MYLK3: variants seen among roughly 807,000 people sequenced by gnomAD.
The protein encoded by MYLK3 is MLC kinase.
Under a neutral mutation model 76.3 loss-of-function variants are expected in MYLK3, and 55 were observed. The observed-to-expected ratio is 0.72, with a 90% CI of 0.58 to 0.90. MYLK3 has a LOEUF of 0.90. Ranked by LOEUF, MYLK3 falls within the 40% of genes least tolerant of loss-of-function variation. The pLI, the probability that MYLK3 is intolerant of heterozygous loss-of-function variation, is 0.00. For synonymous variants in MYLK3, 416 were observed against 425.4 expected, an observed-to-expected ratio of 0.98 and a Z score of 0.27; for missense variants, 973 against 1,053.6, an observed-to-expected ratio of 0.92 and a Z score of 1.06.
At chr16:46,727,788 A>T (rs1966845609) in intron 7 of MYLK3, among the ~76,000 whole-genome samples, 1 of 152,184 alleles carries the variant, frequency 6.6e-6, no homozygotes, top group African/African-American at 2.4e-5. Flanking sequence ...CGGCCTCCCG[A>T]AGTGCTGAGA....
chr16:46,753,682 G>C (rs72818807), intron 1 of MYLK3, among the ~76,000 whole-genome samples: 4 of 152,168 alleles, frequency 2.6e-5, no homozygotes, highest in African/African-American at 9.7e-5. Context: ...AGGCCAGGGT[G>C]GGGGGCTCGA....
At chr16:46,737,156 C>T (rs905954110) in intron 3 of MYLK3, among the ~76,000 whole-genome samples, 2 of 152,178 alleles carry the variant, frequency 1.3e-5, no homozygotes, top group African/African-American at 2.4e-5. Flanking sequence ...TTCCGGAATC[C>T]GGTAACCCGG....
chr16:46,755,969 G>A (rs1020424608), intron 1 of MYLK3, among the ~76,000 whole-genome samples: 7 of 141,580 alleles, frequency 4.9e-5, no homozygotes, highest in Non-Finnish European at 7.5e-5. Flanking sequence ...GTGCAGTGGC[G>A]CGATCTTGGC....
chr16:46,747,569 G>C, intron 1 of MYLK3, 148 bp downstream of exon 1: 5 of 803,664 alleles, frequency 6.2e-6, no homozygotes, highest in Non-Finnish European at 1.0e-5. Context: ...CCTATGACCT[G>C]TAAGTTTCCA....
chr16:46,757,662 G>A (rs1482406721), intron 1 of MYLK3: 6 of 940,470 alleles, frequency 6.4e-6, no homozygotes, highest in South Asian at 4.9e-5. Flanking sequence ...TGGCATTTCC[G>A]CTTATCTCTG....
intron 9 of MYLK3, among the ~76,000 whole-genome samples, chr16:46,716,195 T>G (rs528126622): frequency 6.6e-6 from 1 of 152,152 alleles, no homozygotes; most frequent in Non-Finnish European, 1.5e-5. Flanking sequence ...GTTTATTTTC[T>G]GGAACTTGCC....
At chr16:46,757,549 G>C in intron 1 of MYLK3, 1 of 985,452 alleles carries the variant, frequency 1.0e-6, no homozygotes, top group Non-Finnish European at 1.2e-6. Context: ...TGTTTACTCT[G>C]CCTAGAGATG....
intron 12 of MYLK3, among the ~76,000 whole-genome samples, 178 bp downstream of exon 12, chr16:46,709,360 TA>T (rs978159630): frequency 1.3e-5 from 2 of 150,998 alleles, no homozygotes; most frequent in African/African-American, 4.9e-5. Flanking sequence ...AATTTAAGGT[TA>T]CAGTGAACCA....
At chr16:46,749,141 C>T (rs1267984140), upstream of MYLK3, among the ~76,000 whole-genome samples, 3 of 152,218 alleles carry the variant, frequency 2.0e-5, no homozygotes, top group African/African-American at 4.8e-5. Context: ...TCAAATAAAA[C>T]GTTTTACAGA....
At chr16:46,724,585 T>C (rs1006331406) in intron 8 of MYLK3, among the ~76,000 whole-genome samples, 2 of 152,238 alleles carry the variant, frequency 1.3e-5, no homozygotes, top group African/African-American at 4.8e-5. Flanking sequence ...CATAGCACCA[T>C]TGTCACAAAT....
intron 1 of MYLK3, among the ~76,000 whole-genome samples, chr16:46,758,302 ACACTCT>A (rs1438159996): frequency 1.1e-3 from 57 of 53,920 alleles, no homozygotes; most frequent in Admixed American, 5.4e-3. Flanking sequence ...ACACACACAC[ACACTCT>A]CTCTCTCTCT....
chr16:46,755,906 C>CTTTTTTTTTTTTTTTTTTT (rs772833701), intron 1 of MYLK3, among the ~76,000 whole-genome samples: 21 of 109,712 alleles, frequency 1.9e-4, no homozygotes, highest in Admixed American at 3.3e-4. Flanking sequence ...TTTTTTCTTT[C>CTTTTTTTTTTTTTTTTTTT]TTTTTTTTTT....
At position 46,740,081 on chromosome 16, in the gene MYLK3, A is replaced by G; in HGVS notation, c.544T>C (p.Ser182Pro). The G allele has an allele frequency of 6.2e-7, 1 of 1,612,986 alleles. No homozygotes were observed. Among genetic ancestry groups the G allele is most frequent in the South Asian group, 1.1e-5 (1 of 90,922 alleles). Residue 182 changes from serine to proline, a missense_variant, in exon 2 of 13, where the codon TCT (serine) becomes CCT (proline). By Grantham distance (74) the Ser-to-Pro change is moderately conservative (BLOSUM62 -1). This residue lies in a region of MYLK3 where 641 missense variants were observed against 637.0 expected (regional missense o/e 1.01). Coordinates refer to ENST00000394809, the MANE Select transcript of MYLK3 (RefSeq NM_182493.3). The stretch of plus-strand genomic sequence containing the variant: ...CCTTCCCCAGGCTCCCTGGCATCAG[A>G]CTGCACCCCACTGGTGCTCAGCACA... ...KHVLSTSGVQ[S>P]DAREPGEESQ... is the part of the protein sequence containing the mutation.
chr16:46,724,690 G>C (rs1966832214), intron 8 of MYLK3, among the ~76,000 whole-genome samples: 1 of 152,168 alleles, frequency 6.6e-6, no homozygotes, highest in Admixed American at 6.5e-5. Context: ...CGTTGTTTTG[G>C]TTTCTGTAGC....
intron 1 of MYLK3, among the ~76,000 whole-genome samples, chr16:46,747,493 T>C (rs1478793400): frequency 6.6e-6 from 1 of 152,238 alleles, no homozygotes; most frequent in East Asian, 1.9e-4. Context: ...CCTGCAGTCC[T>C]GGCCAGAGCC....
upstream of MYLK3, among the ~76,000 whole-genome samples, chr16:46,751,948 G>A (rs1414483411): frequency 6.6e-6 from 1 of 152,170 alleles, no homozygotes; most frequent in Non-Finnish European, 1.5e-5. Context: ...TTTGGGTGAT[G>A]GTGCTTGCCC....
intron 1 of MYLK3, among the ~76,000 whole-genome samples, chr16:46,758,929 C>G (rs1967241274): frequency 6.6e-6 from 1 of 152,192 alleles, no homozygotes; most frequent in Non-Finnish European, 1.5e-5. Context: ...GTTGCTTATT[C>G]TTCCATAGTA....
chr16:46,748,235 G>C lies in MYLK3; in HGVS notation c.-42C>G. On this transcript the variant is annotated 5_prime_UTR_variant, in exon 1 of 13. Coordinates refer to ENST00000394809, the MANE Select transcript of MYLK3 (RefSeq NM_182493.3). This position sits in a 1 kb window ranked among gnomAD's most constrained non-coding sequence, Gnocchi z 4.3. ...CAAGGGCAAGAGCGGGGAATGAGGA[G>C]AGGCACAGACCCCTGGTTCTCACTC... 6.3e-7 allele frequency: 1 copy of C among 1,578,286 alleles called. No individual in the cohort carries two copies. Among genetic ancestry groups the C allele is most frequent in the Non-Finnish European group, 8.6e-7 (1 of 1,161,754 alleles).
chr16:46,748,147 C>T lies in MYLK3; in HGVS notation c.47G>A (p.Gly16Glu). 2 of 1,614,184 alleles carry T rather than the reference C, an allele frequency of 1.2e-6. No individual in the cohort carries two copies. Among genetic ancestry groups the T allele is most frequent in the Non-Finnish European group, 1.7e-6 (2 of 1,180,006 alleles). ...KESLGHGGLP[G>E]LGKTCLTTMD... ...GGTTGTTAAGCAGGTCTTGCCCAACCCTGGCAGCCCCCCATGCCCCAGACT... is the reference window on the plus strand; with the variant it reads ...GGTTGTTAAGCAGGTCTTGCCCAACTCTGGCAGCCCCCCATGCCCCAGACT... Residue 16 changes from glycine to glutamate, a missense_variant, in exon 1 of 13, where the codon GGG becomes GAG. By Grantham distance (98) the Gly-to-Glu change is moderately conservative. This residue lies in a region of MYLK3 where 641 missense variants were observed against 637.0 expected (regional missense o/e 1.01). Transcript: ENST00000394809. This position sits in a 1 kb window ranked among gnomAD's most constrained non-coding sequence, Gnocchi z 4.3.
Sources: allele counts gnomAD v4.1 joint callset (sites outside exome capture counted in the v4.1 genomes callset), GRCh38; gene constraint gnomAD v4.1.1; regional missense constraint gnomAD v4.1.1; non-coding constraint Gnocchi (gnomAD v3.1); transcripts MANE v1.5; gene names NCBI Gene and HGNC (gene_info 2026-07-23, HGNC 2026-07-21).